Variants in PTPRA observed in about 807,000 individuals in gnomAD.
PTPRA encodes protein tyrosine phosphatase receptor type A.
A neutral mutation model predicts 104.8 loss-of-function variants in PTPRA; 25 were observed. The observed-to-expected ratio is 0.24, with a 90% CI of 0.17 to 0.33. The LOEUF is 0.33. Ranked by LOEUF, PTPRA falls within the 10% of genes least tolerant of loss-of-function variation. PTPRA has a pLI of 1.00. For synonymous variants in PTPRA, 323 were observed against 368.9 expected (o/e 0.88, Z 1.43); for missense variants, 765 against 1,015.3 (o/e 0.75, Z 3.35).
chr20:2,969,210 C>T (rs962190472), intron 5 of PTPRA, among the ~76,000 whole-genome samples: 1 of 147,924 alleles, frequency 6.8e-6, no homozygotes, highest in Admixed American at 6.7e-5. Flanking sequence ...GAGACTCTAT[C>T]TCAAAAAAAA....
At chr20:2,864,435 G>C in the PTPRA span, 1 of 1,614,214 alleles carries the variant, frequency 6.2e-7, no homozygotes, top group South Asian at 1.1e-5. The surrounding 1 kb of genome is among the most constrained non-coding windows in gnomAD (Gnocchi z 5.2). Context: ...TTCGGAATCA[G>C]CCCATGGCCC....
intron 6 of PTPRA, among the ~76,000 whole-genome samples, chr20:2,985,881 CTCCTTGTTTGTT>C (rs1204613149): frequency 5.4e-5 from 7 of 129,030 alleles, no homozygotes; most frequent in Non-Finnish European, 8.2e-5. Context: ...ACCCAGCTGT[CTCCTTGTTTGTT>C]TGTTTGTTTG....
chr20:2,978,480 A>T (rs1483163752), intron 6 of PTPRA, among the ~76,000 whole-genome samples: 1 of 152,190 alleles, frequency 6.6e-6, no homozygotes, highest in African/African-American at 2.4e-5. Context: ...GACTATGGCT[A>T]TTCCTTTACT....
At position 3,037,167 on chromosome 20, in the gene PTPRA, A is replaced by C. The variant is rs763423550; in HGVS notation, c.2212A>C (p.Arg738=). The change falls in exon 23 of 24, where the codon AGG becomes CGG. Residue 738 remains arginine (R), a synonymous_variant. Coordinates refer to ENST00000399903, the MANE Select transcript of PTPRA (RefSeq NM_001385305.1). The surrounding 1 kb of genome is among the most constrained non-coding windows in gnomAD (Gnocchi z 4.3). The part of the protein sequence containing the change: ...ITVHCSAGAG[R]TGTFCALSTV... The stretch of plus-strand genomic sequence containing the variant: ...GCTCTGTTGCAGCGCCGGGGCAGGA[A>C]GGACGGGGACCTTCTGTGCCCTGAG... 6.2e-7 allele frequency: 1 copy of C among 1,614,130 alleles called. No individual in the cohort carries two copies. The highest frequency in any genetic ancestry group is 1.1e-5 in the South Asian group (1 of 91,086).
chr20:2,866,637 G>A, the PTPRA span: 6 of 1,594,668 alleles, frequency 3.8e-6, no homozygotes, highest in Non-Finnish European at 5.1e-6. Context: ...TTGGCAGAAG[G>A]GCCATAGTTC....
chr20:2,930,690 A>G (rs760801861), intron 2 of PTPRA, among the ~76,000 whole-genome samples: 7 of 152,246 alleles, frequency 4.6e-5, no homozygotes, highest in South Asian at 2.1e-4. Flanking sequence ...CTGTTTTCAC[A>G]TGATTATCTT....
chr20:2,911,537 T>G (rs1600101763), intron 1 of PTPRA, among the ~76,000 whole-genome samples: 1 of 152,192 alleles, frequency 6.6e-6, no homozygotes, highest in South Asian at 2.1e-4. Context: ...CTTAAAATAT[T>G]GGAATGATTA....
At chr20:2,981,015 G>A (rs2062652087) in intron 6 of PTPRA, among the ~76,000 whole-genome samples, 1 of 151,998 alleles carries the variant, frequency 6.6e-6, no homozygotes, top group Non-Finnish European at 1.5e-5. Flanking sequence ...TCTTGTGGTT[G>A]CCTAGAATTA....
At chr20:2,976,333 A>C (rs928513172) in intron 6 of PTPRA, among the ~76,000 whole-genome samples, 1 of 152,234 alleles carries the variant, frequency 6.6e-6, no homozygotes, top group South Asian at 2.1e-4. Flanking sequence ...CCAGCCTTAC[A>C]ATAAAGTCAA....
chr20:2,944,722 C>T (rs2061059962), intron 2 of PTPRA, among the ~76,000 whole-genome samples: 1 of 151,590 alleles, frequency 6.6e-6, no homozygotes, highest in Admixed American at 6.6e-5. Context: ...GCCATCTTTG[C>T]AAACAGTCTA....
At chr20:2,972,284 TA>T (rs2062222937) in intron 5 of PTPRA, among the ~76,000 whole-genome samples, 1 of 152,210 alleles carries the variant, frequency 6.6e-6, no homozygotes, top group Non-Finnish European at 1.5e-5. Flanking sequence ...TGGCTCACTG[TA>T]ACCTTGAACT....
chr20:2,910,383 ATATATTTTATATATAATATATTTTG>A (rs199661905), intron 1 of PTPRA, among the ~76,000 whole-genome samples: 921 of 77,314 alleles, frequency 0.012, 54 homozygotes, highest in South Asian at 0.072. Flanking sequence ...TTTGTATATT[ATATATTTTATATATAATATATTTTG>A]TATATTATAT....
chr20:2,975,697 G>T (rs2062402933), intron 6 of PTPRA, among the ~76,000 whole-genome samples: 1 of 152,076 alleles, frequency 6.6e-6, no homozygotes, highest in Non-Finnish European at 1.5e-5. Context: ...AGTCTCTATG[G>T]CCTGAGATGT....
chr20:2,914,637 T>C (rs2059835316), intron 1 of PTPRA, among the ~76,000 whole-genome samples: 1 of 152,172 alleles, frequency 6.6e-6, no homozygotes, highest in African/African-American at 2.4e-5. Context: ...TCCCCTTGAA[T>C]GTGCCCAGTC....
intron 11 of PTPRA, among the ~76,000 whole-genome samples, chr20:3,008,760 C>A (rs987446833): frequency 5.4e-3 from 467 of 86,342 alleles, no homozygotes; most frequent in Middle Eastern, 0.013. Context: ...AAAAAAAAAA[C>A]AACTTAGCCG....
chr20:3,015,547 C>G (rs188593363), intron 11 of PTPRA, among the ~76,000 whole-genome samples: 27 of 152,198 alleles, frequency 1.8e-4, no homozygotes, highest in Non-Finnish European at 1.3e-4. Context: ...CTTAGATGAT[C>G]CGCCCACCTT....
In PTPRA at chr20:2,964,424, A is replaced by G. The variant is rs959773514; in HGVS notation, c.73+74A>G. ...CACATTTAATGAGCCACATTTGAAA[A>G]CCGAGATGGTATTTGAAGAAAGGAA... On this transcript the variant is annotated intron_variant, in intron 4 of 23. Coordinates refer to ENST00000399903, the MANE Select transcript of PTPRA (RefSeq NM_001385305.1). 3.3e-6 allele frequency: 4 copies of G among 1,222,214 alleles called. No homozygotes were observed. In the African/African-American group the frequency reaches 6.1e-5, roughly 19 times the overall value. The allele number at this position is 1,222,214 out of a possible 1,614,324, so 75.7% of individuals were successfully genotyped here.
chr20:2,864,711 T>A, the PTPRA span: 1 of 1,567,044 alleles, frequency 6.4e-7, no homozygotes, highest in Non-Finnish European at 8.7e-7. This position sits in a 1 kb window ranked among gnomAD's most constrained non-coding sequence, Gnocchi z 5.2. Context: ...GGGCTGTTGG[T>A]CCGGTTCCTT....
At chr20:2,995,946 A>G (rs1438887638) in intron 9 of PTPRA, among the ~76,000 whole-genome samples, 1 of 152,184 alleles carries the variant, frequency 6.6e-6, no homozygotes, top group Admixed American at 6.5e-5. Context: ...AATAACTAAA[A>G]TAGTAGTTGT....
Sources: gnomAD v4.1 joint callset for allele counts (sites outside exome capture counted in the v4.1 genomes callset) on GRCh38, gnomAD v4.1.1 for gene constraint, Gnocchi (gnomAD v3.1) non-coding constraint, MANE v1.5 for transcripts, NCBI Gene and HGNC (gene_info 2026-07-23, HGNC 2026-07-21) for gene names.